EGFLAM: variants seen among roughly 807,000 people sequenced by gnomAD.
EGFLAM encodes EGF like, fibronectin type III and laminin G domains.
A neutral mutation model predicts 113.1 loss-of-function variants in EGFLAM; 79 were observed. The ratio of observed to expected loss-of-function variants is 0.70; its 90% CI spans 0.58 to 0.84. The LOEUF (loss-of-function observed/expected upper bound fraction) is 0.84, where lower values mean the gene tolerates loss of function less well. Among genes scored for constraint, EGFLAM ranks in the 40% least tolerant of loss-of-function variants. EGFLAM has a pLI of 0.00. For missense variants in EGFLAM, 1,265 were observed against 1,291.6 expected, an observed-to-expected ratio of 0.98 and a Z score of 0.32; for synonymous variants, 504 against 487.6, an observed-to-expected ratio of 1.03 and a Z score of -0.44.
chr5:38,392,642 C>G (rs542437309), intron 6 of EGFLAM, among the ~76,000 whole-genome samples: 2 of 147,500 alleles, frequency 1.4e-5, no homozygotes, highest in Non-Finnish European at 3.0e-5. Context: ...GGGGGCGGTT[C>G]TCACTGGGAT....
rs1333178380 is a variant in EGFLAM, at chr5:38,354,455, G to A, written c.545+2124G>A. ...GAAAAATGCACACTTCTGGCCAGGC[G>A]CGGTGGCTCACGCCTGTAATCCCAG... On this transcript the variant is annotated intron_variant, in intron 5 of 21. Coordinates refer to ENST00000322350, the MANE Select transcript of EGFLAM (RefSeq NM_152403.4). Among the ~76,000 whole-genome samples, 5 of 152,298 alleles carry A rather than the reference G, an allele frequency of 3.3e-5. No individual in the cohort carries two copies. The East Asian group carries it at 7.7e-4, about 24-fold the overall frequency.
intron 2 of EGFLAM, among the ~76,000 whole-genome samples, 172 bp from the exon 3 acceptor site, chr5:38,338,526 G>A (rs1340117979): frequency 6.6e-6 from 1 of 152,112 alleles, no homozygotes; most frequent in African/African-American, 2.4e-5. Context: ...TTCTGAGTTT[G>A]CAACACCCCC....
intron 20 of EGFLAM, among the ~76,000 whole-genome samples, chr5:38,462,210 T>G (rs995850392): frequency 6.6e-6 from 1 of 152,054 alleles, no homozygotes; most frequent in African/African-American, 2.4e-5. Context: ...TCTGAGCCAG[T>G]CTTCCCATCG....
At chr5:38,390,559 A>G (rs1377299859) in intron 6 of EGFLAM, among the ~76,000 whole-genome samples, 1 of 152,232 alleles carries the variant, frequency 6.6e-6, no homozygotes, top group Admixed American at 6.5e-5. Context: ...CTTCAGCTCT[A>G]CTACCTATTA....
At chr5:38,367,821 A>G (rs185472843) in intron 5 of EGFLAM, among the ~76,000 whole-genome samples, 7 of 152,330 alleles carry the variant, frequency 4.6e-5, no homozygotes, top group South Asian at 2.1e-4. Context: ...AAAACACTCA[A>G]ATAAAAAACT....
At chr5:38,407,703 G>A in intron 8 of EGFLAM, 102 bp from the exon 9 acceptor site, 1 of 758,250 alleles carries the variant, frequency 1.3e-6, no homozygotes, top group Non-Finnish European at 2.2e-6. Context: ...AGATTAGTGA[G>A]GGTTCTCACT....
At chr5:38,282,811 C>T (rs1419296603) in intron 1 of EGFLAM, among the ~76,000 whole-genome samples, 1 of 152,132 alleles carries the variant, frequency 6.6e-6, no homozygotes, top group East Asian at 1.9e-4. Flanking sequence ...TCCCAGTTCT[C>T]ATTCCCAACC....
rs189895183 is a variant in EGFLAM at position 38,325,390 on chromosome 5, T to C, written c.98-12130T>C. Reference sequence around the variant, plus strand: ...CAGTCCCCACTAAAATGCTTGTAAATTGGGGAGAAGAGTAGTAACCAGCAG... The same window carrying C: ...CAGTCCCCACTAAAATGCTTGTAAACTGGGGAGAAGAGTAGTAACCAGCAG... On this transcript the variant is annotated intron_variant, in intron 1 of 21. Coordinates refer to ENST00000322350, the MANE Select transcript of EGFLAM (RefSeq NM_152403.4). Among the ~76,000 whole-genome samples the C allele has an allele frequency of 7.9e-5, 12 of 152,236 alleles. No individual in the cohort carries two copies. The East Asian group carries it at 1.7e-3, about 22-fold the overall frequency.
chr5:38,303,519 A>C (rs1037687782), intron 1 of EGFLAM, among the ~76,000 whole-genome samples: 3 of 152,206 alleles, frequency 2.0e-5, no homozygotes, highest in African/African-American at 7.2e-5. Flanking sequence ...TGAGAGAGCT[A>C]GGCAAGTCTG....
chr5:38,429,381 A>T (rs560710861), intron 14 of EGFLAM, among the ~76,000 whole-genome samples: 1 of 152,372 alleles, frequency 6.6e-6, no homozygotes, highest in Admixed American at 6.5e-5. Flanking sequence ...ATCATTTGCC[A>T]AAGCAAAAAT....
chr5:38,292,054 G>C lies in EGFLAM; in HGVS notation c.97+33203G>C, dbSNP rs80253615. Among the ~76,000 whole-genome samples the C allele has an allele frequency of 7.9e-4, 120 of 152,256 alleles. 1 individual carries two copies. In the East Asian group the frequency reaches 0.013, roughly 17 times the overall value. On this transcript the variant is annotated intron_variant, in intron 1 of 21. Coordinates refer to ENST00000322350, the MANE Select transcript of EGFLAM (RefSeq NM_152403.4). ...CCCTGCTTGTTAATATTGACCTTCA[G>C]TTTGAAATGCTGAGCCCAAGACAGA...
intron 18 of EGFLAM, among the ~76,000 whole-genome samples, chr5:38,448,600 T>A (rs1742802827): frequency 6.6e-6 from 1 of 152,192 alleles, no homozygotes; most frequent in Admixed American, 6.5e-5. Flanking sequence ...ACCTTTCAGA[T>A]AACCCTGTTA....
In EGFLAM at chr5:38,258,774, T is replaced by C; in HGVS notation, c.20T>C (p.Val7Ala). The C allele has an allele frequency of 6.2e-7, 1 of 1,611,602 alleles. No homozygotes were observed. The highest frequency in any genetic ancestry group is 8.5e-7 in the Non-Finnish European group (1 of 1,179,260). The change falls in exon 1 of 22, where the codon GTC becomes GCC. Residue 7 changes from valine to alanine, a missense_variant. Transcript: ENST00000322350. The stretch of plus-strand genomic sequence containing the variant: ...TGCGAAATGGATTTAATCCGAGGCG[T>C]CTTGCTCCGGCTCCTGCTCCTGGCT... The part of the protein sequence containing the change: MDLIRG[V>A]LLRLLLLASS...
chr5:38,408,834 G>A (rs1338323906), intron 9 of EGFLAM, among the ~76,000 whole-genome samples, 170 bp from the exon 10 acceptor site: 1 of 152,164 alleles, frequency 6.6e-6, no homozygotes, highest in East Asian at 1.9e-4. Context: ...TATTGAAAAT[G>A]AACTGGGACC....
intron 19 of EGFLAM, among the ~76,000 whole-genome samples, chr5:38,454,602 T>C (rs1743025781): frequency 6.6e-6 from 1 of 152,220 alleles, no homozygotes; most frequent in African/African-American, 2.4e-5. Context: ...ATTTTTATTA[T>C]TGTTATTGTT....
intron 12 of EGFLAM, among the ~76,000 whole-genome samples, chr5:38,420,961 G>A (rs911049424): frequency 6.6e-6 from 1 of 152,084 alleles, no homozygotes; most frequent in Non-Finnish European, 1.5e-5. Flanking sequence ...ACATTTCTTC[G>A]CATTTCATTT....
rs111430238 is a variant in EGFLAM, at chr5:38,309,536, C to T, written c.98-27984C>T. ...TTAGCCTGTGGTGTGAATTGCTCTG[C>T]CCTCTCTCTCCTTTTCTGTTTTTTG... On this transcript the variant is annotated intron_variant, in intron 1 of 21. Transcript: ENST00000322350. Among the ~76,000 whole-genome samples the T allele has an allele frequency of 3.4e-3, 515 of 152,228 alleles. 3 individuals carry two copies. Among genetic ancestry groups the T allele is most frequent in the African/African-American group, 0.012 (502 of 41,512 alleles).
intron 6 of EGFLAM, among the ~76,000 whole-genome samples, chr5:38,375,212 G>A (rs1411329350): frequency 6.6e-6 from 1 of 152,122 alleles, no homozygotes; most frequent in Non-Finnish European, 1.5e-5. Flanking sequence ...TGCACTGAAA[G>A]TCAACCCGTA....
intron 4 of EGFLAM, among the ~76,000 whole-genome samples, chr5:38,351,513 G>A (rs1739623739): frequency 1.3e-5 from 2 of 152,114 alleles, no homozygotes; most frequent in South Asian, 2.1e-4. Context: ...CCTTTGGCCC[G>A]AGTTACAAAA....
Sources: gnomAD v4.1 joint callset for allele counts (sites outside exome capture counted in the v4.1 genomes callset) on GRCh38, gnomAD v4.1.1 for gene constraint, MANE v1.5 for transcripts, NCBI Gene and HGNC (gene_info 2026-07-23, HGNC 2026-07-21) for gene names.